The following ZNF793 variants were observed in gnomAD, a reference collection of about 807,000 sequenced individuals.
ZNF793 encodes zinc finger protein 793.
In ZNF793, 5 loss-of-function variants were observed where a neutral mutation model predicts 12.4. That is an observed-to-expected ratio of 0.40 (90% CI 0.21 to 0.84). ZNF793 has a LOEUF of 0.84. Ranked by LOEUF, ZNF793 falls within the 40% of genes least tolerant of loss-of-function variation. The probability of loss-of-function intolerance (pLI) is 0.35; values close to 1 mark genes in which losing one functional copy is unlikely to be tolerated. For synonymous variants in ZNF793, 162 were observed against 172.4 expected, an observed-to-expected ratio of 0.94 and a Z score of 0.47; for missense variants, 456 against 495.0, an observed-to-expected ratio of 0.92 and a Z score of 0.75.
intron 3 of ZNF793, among the ~76,000 whole-genome samples, chr19:37,521,149 G>A (rs893463438): frequency 1.3e-5 from 2 of 151,930 alleles, no homozygotes; most frequent in South Asian, 2.1e-4. Flanking sequence ...CACCATGCCC[G>A]GCTTATTTTT....
chr19:37,512,508 C>T (rs546898409), intron 2 of ZNF793, among the ~76,000 whole-genome samples: 1 of 152,062 alleles, frequency 6.6e-6, no homozygotes, highest in Non-Finnish European at 1.5e-5. Flanking sequence ...AGCAAGACTC[C>T]GTTTCAAAAT....
intron 2 of ZNF793, among the ~76,000 whole-genome samples, 161 bp from the exon 3 acceptor site, chr19:37,520,023 C>CGTCT (rs1450747105): frequency 6.6e-6 from 1 of 152,232 alleles, no homozygotes; most frequent in Non-Finnish European, 1.5e-5. Flanking sequence ...GTGACTCAGA[C>CGTCT]ACAAGGGTCT....
chr19:37,512,997 A>AT (rs1427668981), intron 2 of ZNF793, among the ~76,000 whole-genome samples: 1 of 151,584 alleles, frequency 6.6e-6, no homozygotes, highest in African/African-American at 2.4e-5. Context: ...TATAATTTGA[A>AT]TTTTTCTGAT....
At chr19:37,530,421 G>A (rs2042450176) in intron 5 of ZNF793, among the ~76,000 whole-genome samples, 1 of 152,092 alleles carries the variant, frequency 6.6e-6, no homozygotes, top group African/African-American at 2.4e-5. Context: ...CTATCACATG[G>A]GGAGAAACCT....
intron 2 of ZNF793, among the ~76,000 whole-genome samples, chr19:37,518,117 T>G (rs547488637): frequency 5.9e-4 from 89 of 151,448 alleles, no homozygotes; most frequent in Non-Finnish European, 5.8e-4. Flanking sequence ...CACCACTCCA[T>G]TATTATTATT....
chr19:37,532,558 T>C, intron 6 of ZNF793, 76 bp downstream of exon 6: 1 of 1,481,422 alleles, frequency 6.8e-7, no homozygotes, highest in Non-Finnish European at 9.0e-7. Flanking sequence ...TAAAAGCAAC[T>C]GGAGTACTTT....
intron 2 of ZNF793, among the ~76,000 whole-genome samples, chr19:37,511,859 G>A (rs1332117717): frequency 6.6e-6 from 1 of 152,166 alleles, no homozygotes; most frequent in Non-Finnish European, 1.5e-5. Context: ...AGGTAGTTTG[G>A]AGGGGGATTT....
Position 37,537,616 on chromosome 19 carries a change from T to A in ZNF793, c.958T>A (p.Phe320Ile). The stretch of plus-strand genomic sequence containing the variant: ...TGTCTGCAGTGAATGCGGGAAATCG[T>A]TTGGTGAGAAGTCATACCTCAATGT... ...PFVCSECGKS[F>I]GEKSYLNVHR... Residue 320 changes from phenylalanine to isoleucine, a missense_variant, in exon 8 of 8, where the codon TTT (phenylalanine) becomes ATT (isoleucine). Physicochemically the swap from Phe to Ile is conservative, Grantham distance 21 (BLOSUM62 0). Transcript: ENST00000627814. 11 of 1,614,014 alleles carry A rather than the reference T, an allele frequency of 6.8e-6. No individual in the cohort carries two copies. Among genetic ancestry groups the A allele is most frequent in the Non-Finnish European group, 9.3e-6 (11 of 1,179,990 alleles).
At chr19:37,507,860 G>C (rs2042263124) in intron 1 of ZNF793, among the ~76,000 whole-genome samples, 1 of 152,174 alleles carries the variant, frequency 6.6e-6, no homozygotes, top group South Asian at 2.1e-4. Flanking sequence ...GAACATAGGG[G>C]AATATCAGTG....
intron 7 of ZNF793, chr19:37,534,682 CT>C (rs940014757): frequency 4.1e-4 from 60 of 146,120 alleles, no homozygotes; most frequent in African/African-American, 6.2e-4. Flanking sequence ...TTCCTCTCTG[CT>C]TTTTTTTTTT....
intron 2 of ZNF793, among the ~76,000 whole-genome samples, chr19:37,514,578 A>ATAGATAGT (rs1403205668): frequency 2.4e-5 from 1 of 41,010 alleles, no homozygotes; most frequent in Non-Finnish European, 3.8e-5. Flanking sequence ...AGATAGACAG[A>ATAGATAGT]TAGATAGATA....
At chr19:37,524,309 G>A (rs1329533478) in intron 5 of ZNF793, among the ~76,000 whole-genome samples, 2 of 151,960 alleles carry the variant, frequency 1.3e-5, no homozygotes, top group Non-Finnish European at 2.9e-5. Context: ...TAAAGATGGG[G>A]TCTTACTTAA....
intron 2 of ZNF793, among the ~76,000 whole-genome samples, chr19:37,508,718 TA>T (rs1378026017): frequency 9.9e-5 from 15 of 152,002 alleles, no homozygotes; most frequent in African/African-American, 3.6e-4. Flanking sequence ...GATAAATAAA[TA>T]AATATAAATA....
rs549079702 is a variant in ZNF793, at chr19:37,538,143, C to T, written c.*264C>T. ...TGTTAGCCAGGATGGTCTCGATCTC[C>T]TGACCTTGTGATCTGCCCGCCTTGT... is the stretch of plus-strand genomic sequence containing the variant. On this transcript the variant is annotated 3_prime_UTR_variant, in exon 8 of 8. Coordinates refer to ENST00000627814, the MANE Select transcript of ZNF793 (RefSeq NM_001013659.3). The T allele has an allele frequency of 5.9e-6, 2 of 337,798 alleles. No homozygotes were observed. Among genetic ancestry groups the T allele is most frequent in the East Asian group, 6.1e-5 (1 of 16,468 alleles). 20.9% of individuals were successfully genotyped at this position (337,798 alleles called of 1,614,324 possible). A position where few individuals can be genotyped will look rare whatever the true frequency, so the allele number is the denominator to read the frequency against.
intron 2 of ZNF793, among the ~76,000 whole-genome samples, chr19:37,510,785 C>T (rs2042288539): frequency 6.6e-6 from 1 of 151,904 alleles, no homozygotes; most frequent in East Asian, 2.0e-4. Flanking sequence ...CAACCCCTGC[C>T]TCCCAGGTTC....
Position 37,524,824 on chromosome 19 carries a change from C to T in ZNF793, c.15+1370C>T, listed in dbSNP as rs59709419. ...TTTAAAAGGCTTTGGATGATCTTTA[C>T]GCACATAAAAGTATGAAAAACATTG... On this transcript the variant is annotated intron_variant, in intron 5 of 7. Coordinates refer to ENST00000627814, the MANE Select transcript of ZNF793 (RefSeq NM_001013659.3). 6.8e-3 allele frequency among the ~76,000 whole-genome samples: 1,028 copies of T among 152,202 alleles called. 12 individuals are homozygous for T. The highest frequency in any genetic ancestry group is 0.023 in the African/African-American group (946 of 41,532).
At chr19:37,523,985 A>G (rs565915358) in intron 5 of ZNF793, among the ~76,000 whole-genome samples, 3 of 152,144 alleles carry the variant, frequency 2.0e-5, no homozygotes, top group Admixed American at 1.3e-4. Context: ...GCCTGCCTCT[A>G]TTAAAAATAC....
At chr19:37,520,065 A>G (rs2042363282) in intron 2 of ZNF793, 119 bp from the exon 3 acceptor site, 1 of 152,294 alleles carries the variant, frequency 6.6e-6, no homozygotes, top group Non-Finnish European at 1.5e-5. Context: ...CAGTCCCAGA[A>G]CAGAGCCATC....
intron 2 of ZNF793, among the ~76,000 whole-genome samples, chr19:37,516,236 G>A (rs555892011): frequency 1.3e-5 from 2 of 152,306 alleles, no homozygotes; most frequent in East Asian, 1.9e-4. Context: ...CTGGGTTCAG[G>A]CGATTCTTCT....
Sources: gnomAD v4.1 joint callset for allele counts (sites outside exome capture counted in the v4.1 genomes callset) on GRCh38, gnomAD v4.1.1 for gene constraint, MANE v1.5 for transcripts, NCBI Gene and HGNC (gene_info 2026-07-23, HGNC 2026-07-21) for gene names.